Variants in PAX5 observed in about 807,000 individuals in gnomAD.
The protein encoded by PAX5 is paired box protein Pax-5.
PAX5 carries 9 observed loss-of-function variants against 43.7 expected under a neutral mutation model. The observed-to-expected ratio is 0.21, with a 90% CI of 0.12 to 0.36. The LOEUF (loss-of-function observed/expected upper bound fraction) is 0.36, where lower values mean the gene tolerates loss of function less well. Ranked by LOEUF, PAX5 falls within the 10% of genes least tolerant of loss-of-function variation. The pLI, the probability that PAX5 is intolerant of heterozygous loss-of-function variation, is 1.00. For missense variants in PAX5, 383 were observed against 532.7 expected (o/e 0.72, Z 2.77); for synonymous variants, 228 against 214.3 (o/e 1.06, Z -0.56).
chr9:36,868,860 C>T (rs1025122311), intron 8 of PAX5, among the ~76,000 whole-genome samples: 2 of 152,106 alleles, frequency 1.3e-5, no homozygotes, highest in Non-Finnish European at 2.9e-5. Flanking sequence ...CTCACTCCAA[C>T]CTCACAACAT....
At chr9:36,877,091 C>A (rs894275968) in intron 8 of PAX5, among the ~76,000 whole-genome samples, 9 of 152,178 alleles carry the variant, frequency 5.9e-5, no homozygotes, top group African/African-American at 2.2e-4. Flanking sequence ...AATCCCAACA[C>A]TTTGGGAAGC....
At position 36,835,285 on chromosome 9, in the gene PAX5, G is replaced by A; in HGVS notation, c.*5275C>T. ...CTGAGGTTCCCTTCAATCCTGGGGT[G>A]CCCAGGAACGGAGCCTCAGTGCTGA... On this transcript the variant is annotated 3_prime_UTR_variant, in exon 10 of 10. Transcript: ENST00000358127. 4.3e-6 allele frequency: 1 copy of A among 233,106 alleles called. No individual in the cohort carries two copies. Among genetic ancestry groups the A allele is most frequent in the Admixed American group, 5.6e-5 (1 of 17,794 alleles). 14.4% of individuals were successfully genotyped at this position (233,106 alleles called of 1,614,324 possible).
intron 8 of PAX5, among the ~76,000 whole-genome samples, chr9:36,873,146 C>G (rs1273129623): frequency 1.3e-5 from 2 of 152,248 alleles, no homozygotes; most frequent in African/African-American, 4.8e-5. Context: ...CCACTCCACC[C>G]CATTGCCTCA....
intron 7 of PAX5, among the ~76,000 whole-genome samples, chr9:36,920,423 A>G (rs1464881493): frequency 6.6e-6 from 1 of 152,222 alleles, no homozygotes; most frequent in Non-Finnish European, 1.5e-5. Context: ...CTGATCAGTC[A>G]TCAGCCATCA....
intron 6 of PAX5, among the ~76,000 whole-genome samples, chr9:36,949,926 A>C (rs555888062): frequency 2.1e-5 from 3 of 144,484 alleles, no homozygotes; most frequent in African/African-American, 7.7e-5. Context: ...ACCTCCCACC[A>C]CGATCTTCAC....
chr9:36,874,884 C>A (rs1419287634), intron 8 of PAX5, among the ~76,000 whole-genome samples: 3 of 152,214 alleles, frequency 2.0e-5, no homozygotes, highest in African/African-American at 7.2e-5. Flanking sequence ...TAATAATGAA[C>A]ACTTATGTGC....
At chr9:36,880,483 G>A (rs959444675) in intron 8 of PAX5, among the ~76,000 whole-genome samples, 1 of 152,274 alleles carries the variant, frequency 6.6e-6, no homozygotes, top group East Asian at 1.9e-4. Flanking sequence ...GTGCATGGGA[G>A]AGTGGGCAAG....
At chr9:36,927,038 A>G (rs188825091) in intron 6 of PAX5, among the ~76,000 whole-genome samples, 205 of 152,302 alleles carry the variant, frequency 1.3e-3, no homozygotes, top group Non-Finnish European at 2.5e-3. Context: ...ATAGGACAAG[A>G]GTGACCCAGA....
intron 8 of PAX5, among the ~76,000 whole-genome samples, chr9:36,866,211 T>C (rs1345582930): frequency 2.0e-5 from 3 of 152,232 alleles, no homozygotes; most frequent in Admixed American, 2.0e-4. Context: ...GAGGCCTAAA[T>C]AGAAGCCAAG....
rs568005397 is a variant in PAX5, at chr9:36,879,828, G to A, written c.1012+2176C>T. 1.2e-4 allele frequency among the ~76,000 whole-genome samples: 18 copies of A among 152,330 alleles called. No homozygotes were observed. The South Asian group carries it at 2.3e-3, about 19-fold the overall frequency. On this transcript the variant is annotated intron_variant, in intron 8 of 9. Coordinates refer to ENST00000358127, the MANE Select transcript of PAX5 (RefSeq NM_016734.3). ...GTCCATCTCCCAAGGCCGCCTGGACGTGCTAAAGGTTGGAAAATGAGGAGC... is the reference window on the plus strand; with the variant it reads ...GTCCATCTCCCAAGGCCGCCTGGACATGCTAAAGGTTGGAAAATGAGGAGC...
intron 5 of PAX5, among the ~76,000 whole-genome samples, chr9:36,974,706 C>T (rs566466902): frequency 1.8e-4 from 27 of 152,308 alleles, no homozygotes; most frequent in African/African-American, 6.3e-4. Context: ...ATGAGATAAT[C>T]TCCATGACAC....
rs2851698 is a variant in PAX5, at chr9:36,835,491, A to G, written c.*5069T>C. 229,554 of 233,020 alleles carry G rather than the reference A, an allele frequency of 0.99. 113,153 individuals carry two copies. The highest frequency in any genetic ancestry group is 1 in the East Asian group (16,520 of 16,520). 14.4% of individuals were successfully genotyped at this position (233,020 alleles called of 1,614,324 possible). A position where few individuals can be genotyped will look rare whatever the true frequency, so the allele number is the denominator to read the frequency against. On this transcript the variant is annotated 3_prime_UTR_variant, in exon 10 of 10. Coordinates refer to ENST00000358127, the MANE Select transcript of PAX5 (RefSeq NM_016734.3). ...GCAGCCGAGCTGACAGTGGGGAAGT[A>G]CACATCAGCACTGTGGTTCCCCCAT...
chr9:37,002,903 C>T, intron 4 of PAX5, 127 bp from the exon 5 acceptor site: 1 of 1,205,800 alleles, frequency 8.3e-7, no homozygotes, highest in Non-Finnish European at 1.1e-6. Flanking sequence ...GCGCTGAGGA[C>T]CCTCGCTCTG....
chr9:37,021,661 A>C (rs1839864475), intron 1 of PAX5, among the ~76,000 whole-genome samples: 1 of 152,232 alleles, frequency 6.6e-6, no homozygotes, highest in African/African-American at 2.4e-5. Context: ...AAGGAGCCCG[A>C]GAAAGTGCCT....
chr9:36,962,533 A>G (rs1405596772), intron 6 of PAX5, among the ~76,000 whole-genome samples: 2 of 152,154 alleles, frequency 1.3e-5, no homozygotes, highest in African/African-American at 4.8e-5. Context: ...TTGTGAACTG[A>G]ACGCTGTGGT....
rs1346067688 is a variant in PAX5 at position 36,908,202 on chromosome 9, A to C, written c.910+15153T>G. Reference sequence around the variant, plus strand: ...CCACAGGGTAAGACCCTGTTTCAAAAAAAAAAAAAGAAGACTTTTTTTTTT... The same window carrying C: ...CCACAGGGTAAGACCCTGTTTCAAACAAAAAAAAAGAAGACTTTTTTTTTT... On this transcript the variant is annotated intron_variant, in intron 7 of 9. Transcript: ENST00000358127. 2.0e-5 allele frequency among the ~76,000 whole-genome samples: 3 copies of C among 151,560 alleles called. No individual in the cohort carries two copies. The East Asian group carries it at 5.8e-4, about 29-fold the overall frequency.
chr9:36,943,567 C>CACAG (rs1563994169), intron 6 of PAX5, among the ~76,000 whole-genome samples: 1 of 151,308 alleles, frequency 6.6e-6, no homozygotes, highest in Non-Finnish European at 1.5e-5. Context: ...CACACACACA[C>CACAG]AGCTACATAT....
intron 8 of PAX5, among the ~76,000 whole-genome samples, chr9:36,854,380 TA>T (rs1179583001): frequency 1.3e-5 from 2 of 152,220 alleles, no homozygotes; most frequent in Non-Finnish European, 2.9e-5. Flanking sequence ...GTATACGTAA[TA>T]ATATGTATAA....
At chr9:36,847,481 A>G (rs961511403) in intron 8 of PAX5, among the ~76,000 whole-genome samples, 4 of 152,182 alleles carry the variant, frequency 2.6e-5, no homozygotes, top group Non-Finnish European at 4.4e-5. Flanking sequence ...CTGGGGCCTC[A>G]GTCTCGTCAG....
Sources: gnomAD v4.1 joint callset for allele counts (sites outside exome capture counted in the v4.1 genomes callset) on GRCh38, gnomAD v4.1.1 for gene constraint, MANE v1.5 for transcripts, NCBI Gene and HGNC (gene_info 2026-07-23, HGNC 2026-07-21) for gene names.